RP1: variants seen among roughly 807,000 people sequenced by gnomAD.
RP1 encodes oxygen-regulated protein 1.
A neutral mutation model predicts 14.8 loss-of-function variants in RP1; 16 were observed. The observed-to-expected ratio is 1.08, with a 90% CI of 0.73 to 1.65. The LOEUF is 1.65. Among genes scored for constraint, RP1 ranks in the 40% most tolerant of loss-of-function variants. RP1 has a pLI of 0.00. For synonymous variants in RP1, 876 were observed against 883.6 expected (o/e 0.99, Z 0.15); for missense variants, 2,631 against 2,535.0 (o/e 1.04, Z -0.81).
At chr8:54,781,040 T>C in intron 23 of RP1, 1 of 984,418 alleles carries the variant, frequency 1.0e-6, no homozygotes, top group Non-Finnish European at 1.2e-6. Flanking sequence ...TTTAAAAGTA[T>C]TTTTAACACA....
At chr8:54,752,805 A>G (rs774489145) in intron 19 of RP1, among the ~76,000 whole-genome samples, 13 of 152,200 alleles carry the variant, frequency 8.5e-5, no homozygotes, top group Admixed American at 2.0e-4. Context: ...AAACCCATAC[A>G]GATTTAGGGA....
chr8:54,640,873 C>T (rs1806439984), intron 3 of RP1, among the ~76,000 whole-genome samples: 1 of 151,982 alleles, frequency 6.6e-6, no homozygotes, highest in Non-Finnish European at 1.5e-5. Context: ...TAAGATTGAA[C>T]ACTCTTATTG....
At position 54,857,473 on chromosome 8, in the gene RP1, A is replaced by T. The variant is rs575976271; in HGVS notation, c.4069+367A>T. Among the ~76,000 whole-genome samples the T allele has an allele frequency of 3.3e-5, 5 of 150,702 alleles. No homozygotes were observed. The South Asian group carries it at 1.0e-3, about 31-fold the overall frequency. On this transcript the variant is annotated intron_variant, in intron 27 of 28. Coordinates refer to the RP1 transcript ENST00000637698. ...TATAAATGGTCACTAATTAAATTAT[A>T]TAGTGACCATTTATTGACTGAATAT...
chr8:54,713,822 A>G (rs986297129), intron 15 of RP1, among the ~76,000 whole-genome samples: 4 of 152,246 alleles, frequency 2.6e-5, no homozygotes, highest in Non-Finnish European at 5.9e-5. Context: ...GTTTACATAC[A>G]TAGCTACATG....
chr8:54,663,249 T>G (rs564383152), intron 6 of RP1, among the ~76,000 whole-genome samples: 2 of 152,232 alleles, frequency 1.3e-5, no homozygotes, highest in African/African-American at 4.8e-5. Context: ...AACCCTTATT[T>G]TACTGAATAA....
intron 23 of RP1, chr8:54,780,920 A>G (rs1810170523): frequency 4.1e-6 from 4 of 985,148 alleles, no homozygotes; most frequent in African/African-American, 1.7e-5. Context: ...GGCAGAGCAC[A>G]TACTTCTCAT....
At chr8:54,714,115 G>A (rs1294462373) in intron 15 of RP1, among the ~76,000 whole-genome samples, 1 of 152,112 alleles carries the variant, frequency 6.6e-6, no homozygotes, top group Admixed American at 6.6e-5. Flanking sequence ...TAGTAGATAC[G>A]GGGTTTCACC....
intron 24 of RP1, among the ~76,000 whole-genome samples, chr8:54,831,282 T>C (rs1811517425): frequency 6.6e-6 from 1 of 152,142 alleles, no homozygotes; most frequent in South Asian, 2.1e-4. Flanking sequence ...CTACCAAATG[T>C]TTTCACATAG....
intron 24 of RP1, among the ~76,000 whole-genome samples, chr8:54,799,827 TG>T (rs1248529632): frequency 6.6e-6 from 1 of 152,022 alleles, no homozygotes. Flanking sequence ...TTTATATATG[TG>T]TATACATGCA....
chr8:54,803,727 A>T (rs577061144), intron 24 of RP1, among the ~76,000 whole-genome samples: 38 of 152,344 alleles, frequency 2.5e-4, no homozygotes, highest in Middle Eastern at 3.4e-3. Flanking sequence ...ACGCATATTC[A>T]TATTTATATA....
At chr8:54,696,475 C>T (rs1807864928) in intron 12 of RP1, 4 of 895,864 alleles carry the variant, frequency 4.5e-6, no homozygotes, top group East Asian at 2.4e-5. Context: ...ATCAAGCCCT[C>T]GAAGCCACCC....
intron 3 of RP1, among the ~76,000 whole-genome samples, chr8:54,648,575 T>C (rs999171472): frequency 1.3e-5 from 2 of 152,092 alleles, no homozygotes; most frequent in Non-Finnish European, 1.5e-5. Context: ...AAAAAAGACA[T>C]CTAAACTCAA....
chr8:54,696,292 C>G, intron 12 of RP1: 1 of 416,574 alleles, frequency 2.4e-6, no homozygotes, highest in Middle Eastern at 6.8e-4. Context: ...TATATATTGA[C>G]TAAACTCAAA....
In RP1 at chr8:54,629,763, C is replaced by T. The variant is rs766518936; in HGVS notation, c.5881C>T (p.Gln1961Ter). 1.9e-6 allele frequency: 3 copies of T among 1,608,514 alleles called. No homozygotes were observed. Among genetic ancestry groups the T allele is most frequent in the Admixed American group, 1.7e-5 (1 of 59,226 alleles). Residue 1961 changes from glutamine (Q) to a stop codon, truncating the protein, a stop_gained, in exon 4 of 4, where the codon CAG becomes TAG. Coordinates refer to ENST00000220676, the MANE Select transcript of RP1 (RefSeq NM_006269.2). LOFTEE classifies it low-confidence loss of function (END_TRUNC). ...LWMKIHPYLL[Q>*]TDKNVFREEN... ...GATGAAAATACACCCATATTTACTT[C>T]AGACAGACAAAAATGTGTTCAGGGA... is the stretch of plus-strand genomic sequence containing the variant.
chr8:54,675,028 C>G (rs548089912), intron 8 of RP1, among the ~76,000 whole-genome samples: 30 of 152,170 alleles, frequency 2.0e-4, no homozygotes, highest in Non-Finnish European at 3.8e-4. Flanking sequence ...CATCTTTTAG[C>G]CTTATTTCTG....
At chr8:54,735,270 C>T (rs570658287) in intron 18 of RP1, among the ~76,000 whole-genome samples, 1 of 152,284 alleles carries the variant, frequency 6.6e-6, no homozygotes, top group East Asian at 1.9e-4. Flanking sequence ...TAATTTCTCT[C>T]TCCTTTACTT....
chr8:54,855,138 C>T (rs1563397400), intron 26 of RP1, among the ~76,000 whole-genome samples: 1 of 152,160 alleles, frequency 6.6e-6, no homozygotes, highest in Non-Finnish European at 1.5e-5. Flanking sequence ...CTCTAGGTAC[C>T]TCATATAAGT....
At chr8:54,755,398 G>GC (rs1554530047) in intron 20 of RP1, among the ~76,000 whole-genome samples, 1 of 152,096 alleles carries the variant, frequency 6.6e-6, no homozygotes, top group Non-Finnish European at 1.5e-5. Context: ...TTCTGAAAAT[G>GC]CAATAAACCT....
chr8:54,782,581 G>A (rs1046898142), intron 23 of RP1, among the ~76,000 whole-genome samples: 1 of 152,052 alleles, frequency 6.6e-6, no homozygotes, highest in Non-Finnish European at 1.5e-5. Context: ...TGCACTCTAG[G>A]GACAGGCTGT....
Sources: allele counts gnomAD v4.1 joint callset (sites outside exome capture counted in the v4.1 genomes callset), GRCh38; gene constraint gnomAD v4.1.1; transcripts MANE v1.5; gene names NCBI Gene and HGNC (gene_info 2026-07-23, HGNC 2026-07-21).